EFR3A: variants seen among roughly 807,000 people sequenced by gnomAD.
EFR3A encodes the protein EFR3 homolog A, also known as protein EFR3 homolog A.
In EFR3A, 76 loss-of-function variants were observed where a neutral mutation model predicts 104.4. The ratio of observed to expected loss-of-function variants is 0.73; its 90% CI spans 0.60 to 0.88. The LOEUF (loss-of-function observed/expected upper bound fraction) is 0.88. Among genes scored for constraint, EFR3A ranks in the 40% least tolerant of loss-of-function variants. The probability of loss-of-function intolerance (pLI) is 0.00; values close to 1 mark genes in which losing one functional copy is unlikely to be tolerated. For missense variants in EFR3A, 985 were observed against 1,012.5 expected, an observed-to-expected ratio of 0.97 and a Z score of 0.37; for synonymous variants, 330 against 330.0, an observed-to-expected ratio of 1.00 and a Z score of 0.00.
At chr8:131,917,756 C>T (rs1816813369) in intron 1 of EFR3A, among the ~76,000 whole-genome samples, 1 of 152,058 alleles carries the variant, frequency 6.6e-6, no homozygotes, top group Admixed American at 6.6e-5. Context: ...TATAATGCTA[C>T]AGAAAAACTG....
Position 131,949,969 on chromosome 8 carries a change from T to C in EFR3A, c.367T>C (p.Phe123Leu), listed in dbSNP as rs1323253445. 16 of 1,588,090 alleles carry C rather than the reference T, an allele frequency of 1.0e-5. No individual in the cohort carries two copies. The highest frequency in any genetic ancestry group is 1.4e-5 in the Non-Finnish European group (16 of 1,169,874). ...PKLQVLGTNS[F>L]VKFANIEEDT... ...ATATTATATTATTTGTGTTTTTTAG[T>C]TTGTCAAATTTGCAAATATTGAAGA... Residue 123 changes from phenylalanine (F) to leucine (L), a missense_variant and splice_region_variant, in exon 5 of 23, where the codon TTT (phenylalanine) becomes CTT (leucine). Coordinates refer to ENST00000254624, the MANE Select transcript of EFR3A (RefSeq NM_015137.6).
intron 4 of EFR3A, among the ~76,000 whole-genome samples, chr8:131,947,282 C>G (rs757888107): frequency 5.9e-5 from 9 of 151,942 alleles, no homozygotes; most frequent in Admixed American, 2.6e-4. Flanking sequence ...TGGTAAAACT[C>G]TGCACGTGCT....
chr8:131,950,955 T>C (rs79120012), intron 5 of EFR3A, among the ~76,000 whole-genome samples: 1,888 of 152,282 alleles, frequency 0.012, 112 homozygotes, highest in Admixed American at 0.096. Flanking sequence ...AAAATGACTT[T>C]AGGAAATATA....
At chr8:131,976,987 T>C in intron 11 of EFR3A, 54 bp from the exon 12 acceptor site, 1 of 1,218,864 alleles carries the variant, frequency 8.2e-7, no homozygotes, top group Non-Finnish European at 1.2e-6. Flanking sequence ...TTGAAGTAAA[T>C]GAAGTAATAT....
intron 1 of EFR3A, among the ~76,000 whole-genome samples, chr8:131,920,547 G>A (rs551274601): frequency 6.6e-6 from 1 of 152,300 alleles, no homozygotes; most frequent in South Asian, 2.1e-4. Flanking sequence ...TTCTCAAGCA[G>A]GATGTCGCTT....
At chr8:131,974,768 G>A (rs1373488218) in intron 10 of EFR3A, among the ~76,000 whole-genome samples, 2 of 152,174 alleles carry the variant, frequency 1.3e-5, no homozygotes, top group East Asian at 3.8e-4. Context: ...ATTTTTGACT[G>A]CTAATGTACG....
At chr8:131,997,962 A>G (rs1489468079) in intron 19 of EFR3A, among the ~76,000 whole-genome samples, 1 of 152,108 alleles carries the variant, frequency 6.6e-6, no homozygotes, top group East Asian at 1.9e-4. Flanking sequence ...CAAATCTTAC[A>G]TTAAAAGTCT....
At chr8:131,997,347 T>C (rs888278436) in intron 19 of EFR3A, among the ~76,000 whole-genome samples, 2 of 152,054 alleles carry the variant, frequency 1.3e-5, no homozygotes, top group African/African-American at 4.8e-5. Context: ...GAATTATGCT[T>C]TCTCAAGCCT....
chr8:131,997,466 T>G (rs949623400), intron 19 of EFR3A, among the ~76,000 whole-genome samples: 1 of 152,050 alleles, frequency 6.6e-6, no homozygotes, highest in Non-Finnish European at 1.5e-5. Flanking sequence ...CCATTCAACT[T>G]CCCATTACAT....
Position 131,978,829 on chromosome 8 carries a change from T to C in EFR3A, c.1327-18T>C. 1 of 1,502,332 alleles carries C rather than the reference T, an allele frequency of 6.7e-7. No individual in the cohort carries two copies. Among genetic ancestry groups the C allele is most frequent in the Non-Finnish European group, 8.9e-7 (1 of 1,124,694 alleles). The allele number at this position is 1,502,332 out of a possible 1,614,324, so 93.1% of individuals were successfully genotyped here. Reference sequence around the variant, plus strand: ...GGACTCATGACAAAAGGTTGTTTGTTTTCTTCTCGATAATCAGGTGACCTC... The same window carrying C: ...GGACTCATGACAAAAGGTTGTTTGTCTTCTTCTCGATAATCAGGTGACCTC... On this transcript the variant is annotated intron_variant, in intron 12 of 22. Coordinates refer to ENST00000254624, the MANE Select transcript of EFR3A (RefSeq NM_015137.6).
At chr8:131,939,625 C>T (rs906616147) in intron 1 of EFR3A, among the ~76,000 whole-genome samples, 1 of 152,032 alleles carries the variant, frequency 6.6e-6, no homozygotes, top group Admixed American at 6.6e-5. Context: ...CTAGTCTGTG[C>T]CATGCTAACA....
At chr8:131,946,035 T>A (rs1818422275) in intron 3 of EFR3A, among the ~76,000 whole-genome samples, 1 of 152,070 alleles carries the variant, frequency 6.6e-6, no homozygotes, top group African/African-American at 2.4e-5. Flanking sequence ...TGTAAAGTAA[T>A]ATTTATGAGA....
intron 22 of EFR3A, 64 bp from the exon 23 acceptor site, chr8:132,010,726 A>G (rs1822300301): frequency 6.4e-7 from 1 of 1,559,488 alleles, no homozygotes; most frequent in Non-Finnish European, 8.7e-7. Context: ...AGTAGATAGA[A>G]TACTCGGTGA....
intron 8 of EFR3A, among the ~76,000 whole-genome samples, chr8:131,964,690 T>C (rs139898006): frequency 0.021 from 3,227 of 152,264 alleles, 56 homozygotes; most frequent in Middle Eastern, 0.044. Context: ...AAGCTACCAA[T>C]GACTTTCTTC....
chr8:131,934,541 T>C (rs1364970163), intron 1 of EFR3A, among the ~76,000 whole-genome samples: 2 of 152,192 alleles, frequency 1.3e-5, no homozygotes, highest in African/African-American at 4.8e-5. Flanking sequence ...TTTTAAAGTA[T>C]GTAGTCACCT....
chr8:131,949,949 ATAT>A lies in EFR3A; in HGVS notation c.367-15_367-13del. Reference sequence around the variant, plus strand: ...ACTTCTGAAGAAGGTGAAGTATATTATATTATTTGTGTTTTTTAGTTTGTCAAA... The same window carrying A: ...ACTTCTGAAGAAGGTGAAGTATATTATATTTGTGTTTTTTAGTTTGTCAAA... On this transcript the variant is annotated splice_polypyrimidine_tract_variant and intron_variant, in intron 4 of 22. Coordinates refer to ENST00000254624, the MANE Select transcript of EFR3A (RefSeq NM_015137.6). 6.4e-7 allele frequency: 1 copy of A among 1,566,986 alleles called. No homozygotes were observed. Among genetic ancestry groups the A allele is most frequent in the Non-Finnish European group, 8.6e-7 (1 of 1,156,492 alleles).
rs535878252 is a variant in EFR3A at position 131,949,844 on chromosome 8, T to C, written c.367-125T>C. ...GAAAGTTTCTTCTGTATTAATGTTG[T>C]ATTTGATGTTTTGTTTGTTACTTAT... On this transcript the variant is annotated intron_variant, in intron 4 of 22. Coordinates refer to ENST00000254624, the MANE Select transcript of EFR3A (RefSeq NM_015137.6). 90 of 871,890 alleles carry C rather than the reference T, an allele frequency of 1.0e-4. 1 individual carries two copies. In the Middle Eastern group the frequency reaches 1.1e-3, roughly 10 times the overall value. 54.0% of individuals were successfully genotyped at this position (871,890 alleles called of 1,614,324 possible).
chr8:131,972,146 A>G (rs1388801164), intron 10 of EFR3A, among the ~76,000 whole-genome samples: 1 of 151,848 alleles, frequency 6.6e-6, no homozygotes, highest in African/African-American at 2.4e-5. Flanking sequence ...CAATGGATTT[A>G]TATTTTAATG....
chr8:132,009,239 A>T (rs1476906711), intron 22 of EFR3A, among the ~76,000 whole-genome samples: 1 of 152,110 alleles, frequency 6.6e-6, no homozygotes, highest in Non-Finnish European at 1.5e-5. Context: ...TTACATGAAG[A>T]AACTATATAT....
Sources: allele counts gnomAD v4.1 joint callset (sites outside exome capture counted in the v4.1 genomes callset), GRCh38; gene constraint gnomAD v4.1.1; transcripts MANE v1.5; gene names NCBI Gene and HGNC (gene_info 2026-07-23, HGNC 2026-07-21).